CNTNAP3B: variants seen among roughly 807,000 people sequenced by gnomAD.
The protein encoded by CNTNAP3B is contactin associated protein family member 3B.
CNTNAP3B carries 25 observed loss-of-function variants against 108.9 expected under a neutral mutation model. The ratio of observed to expected loss-of-function variants is 0.23; its 90% confidence interval spans 0.17 to 0.32. The LOEUF is 0.32. Among genes scored for constraint, CNTNAP3B ranks in the 10% least tolerant of loss-of-function variants. CNTNAP3B has a pLI of 1.00. For synonymous variants in CNTNAP3B, 103 were observed against 473.4 expected (o/e 0.22, Z 10.16); for missense variants, 252 against 1,210.4 (o/e 0.21, Z 11.75).
intron 2 of CNTNAP3B, among the ~76,000 whole-genome samples, chr9:42,088,941 G>A (rs532406420): frequency 7.3e-6 from 1 of 137,274 alleles, no homozygotes; most frequent in Non-Finnish European, 1.5e-5. Flanking sequence ...TGAGGACCAG[G>A]CGTGGTGGCT....
rs537649772 is a variant in CNTNAP3B at position 42,111,064 on chromosome 9, G to A, written c.86-6325C>T. Among the ~76,000 whole-genome samples, 1,153 of 138,208 alleles carry A rather than the reference G, an allele frequency of 8.3e-3. 144 individuals are homozygous for A. Among genetic ancestry groups the A allele is most frequent in the Non-Finnish European group, 0.014 (902 of 64,584 alleles). The allele number at this position is 138,208 out of a possible 152,430, so 90.7% of individuals were successfully genotyped here. A position where few individuals can be genotyped will look rare whatever the true frequency, so the allele number is the denominator to read the frequency against. ...TCTCACTCCATGGGGTCTGAAGGGG[G>A]CTCACCCTACCACCTGGGGCCAGCA... On this transcript the variant is annotated intron_variant, in intron 1 of 23. Coordinates refer to ENST00000377561, the MANE Select transcript of CNTNAP3B (RefSeq NM_001201380.3).
intron 13 of CNTNAP3B, among the ~76,000 whole-genome samples, chr9:41,941,375 C>A (rs74410565): frequency 0.85 from 114,791 of 134,686 alleles, 47,598 homozygotes; most frequent in Admixed American, 0.87. Context: ...CTCTGCAAAA[C>A]TTAAATTTGA....
chr9:41,958,645 G>C (rs1212939345), intron 12 of CNTNAP3B, among the ~76,000 whole-genome samples: 3 of 151,782 alleles, frequency 2.0e-5, no homozygotes, highest in Non-Finnish European at 4.4e-5. Context: ...CCCTTACATG[G>C]GACAGGATGG....
intron 11 of CNTNAP3B, among the ~76,000 whole-genome samples, 176 bp from the exon 12 acceptor site, chr9:41,961,068 A>T (rs1825073964): frequency 6.6e-6 from 1 of 152,310 alleles, no homozygotes; most frequent in Non-Finnish European, 1.5e-5. Context: ...TAAAAAATTA[A>T]ATCTATTTTT....
intron 2 of CNTNAP3B, among the ~76,000 whole-genome samples, chr9:42,078,417 C>T (rs891537472): frequency 1.4e-5 from 2 of 139,430 alleles, no homozygotes; most frequent in African/African-American, 5.7e-5. Flanking sequence ...ATATTTTTTC[C>T]TCTGAATGTA....
chr9:41,943,064 TAATC>T (rs1390950574), intron 13 of CNTNAP3B, among the ~76,000 whole-genome samples: 1 of 152,272 alleles, frequency 6.6e-6, no homozygotes, highest in Non-Finnish European at 1.5e-5. Flanking sequence ...TTTGAAATAA[TAATC>T]AATATGCTAA....
At chr9:41,971,083 G>T (rs1825420389) in intron 9 of CNTNAP3B, among the ~76,000 whole-genome samples, 1 of 138,960 alleles carries the variant, frequency 7.2e-6, no homozygotes, top group African/African-American at 2.8e-5. Context: ...AAATGGCAAT[G>T]CTTATGACAT....
chr9:41,952,566 A>G (rs1824720962), intron 13 of CNTNAP3B, among the ~76,000 whole-genome samples: 1 of 152,194 alleles, frequency 6.6e-6, no homozygotes, highest in Non-Finnish European at 1.5e-5. Flanking sequence ...TTAACTTAGG[A>G]GAAGACGGTT....
At chr9:41,990,629 G>A (rs1390771187) in intron 8 of CNTNAP3B, among the ~76,000 whole-genome samples, 3 of 133,106 alleles carry the variant, frequency 2.3e-5, no homozygotes, top group Admixed American at 8.0e-5. Flanking sequence ...GCAGAAGTCA[G>A]CCTCTTCGTC....
chr9:41,988,232 CT>C (rs1415430835), intron 8 of CNTNAP3B, among the ~76,000 whole-genome samples: 30 of 59,350 alleles, frequency 5.1e-4, no homozygotes, highest in African/African-American at 1.7e-3. Context: ...CTTTTACCTT[CT>C]TTGAATTTTT....
chr9:42,121,983 C>T (rs1385269324), intron 1 of CNTNAP3B, among the ~76,000 whole-genome samples: 1 of 139,606 alleles, frequency 7.2e-6, no homozygotes, highest in Admixed American at 7.1e-5. Context: ...AATTTCCTTG[C>T]CTCCAAGTCC....
chr9:42,116,353 A>AGTGGG (rs1170201335), intron 1 of CNTNAP3B, among the ~76,000 whole-genome samples: 4 of 129,738 alleles, frequency 3.1e-5, no homozygotes, highest in East Asian at 2.3e-4. Flanking sequence ...GCCAGAAGAG[A>AGTGGG]GTGGGGGCCA....
intron 13 of CNTNAP3B, among the ~76,000 whole-genome samples, chr9:41,939,245 C>A (rs1159042902): frequency 2.0e-5 from 3 of 152,284 alleles, no homozygotes; most frequent in East Asian, 1.9e-4. Context: ...GGGTCAGAGG[C>A]CACAAGTTGC....
Position 42,038,343 on chromosome 9 carries a change from TAAAG to T in CNTNAP3B, c.391-24822_391-24819del, listed in dbSNP as rs1220632165. Among the ~76,000 whole-genome samples the T allele has an allele frequency of 1.1e-4, 10 of 94,818 alleles. 1 individual carries two copies. The highest frequency in any genetic ancestry group is 4.4e-4 in the Admixed American group (4 of 9,088). 62.2% of individuals were successfully genotyped at this position (94,818 alleles called of 152,430 possible). On this transcript the variant is annotated intron_variant, in intron 3 of 23. Transcript: ENST00000377561. ...AAAAGACACAGACTGGCAAATTGGATAAAGAGTCAAGACTCATCAGTGTGCTGTA... is the reference window on the plus strand; with the variant it reads ...AAAAGACACAGACTGGCAAATTGGATAGTCAAGACTCATCAGTGTGCTGTA...
At chr9:41,924,887 T>C (rs1203345382) in intron 15 of CNTNAP3B, among the ~76,000 whole-genome samples, 1 of 152,276 alleles carries the variant, frequency 6.6e-6, no homozygotes, top group African/African-American at 2.4e-5. Context: ...TTCAGTTGAC[T>C]TTCAGAATGT....
chr9:42,056,625 C>T lies in CNTNAP3B; in HGVS notation c.390+20244G>A, dbSNP rs563746754. Among the ~76,000 whole-genome samples, 503 of 138,118 alleles carry T rather than the reference C, an allele frequency of 3.6e-3. 48 individuals carry two copies. Among genetic ancestry groups the T allele is most frequent in the African/African-American group, 0.013 (469 of 34,866 alleles). 90.6% of individuals were successfully genotyped at this position (138,118 alleles called of 152,430 possible). A position where few individuals can be genotyped will look rare whatever the true frequency, so the allele number is the denominator to read the frequency against. On this transcript the variant is annotated intron_variant, in intron 3 of 23. Transcript: ENST00000377561. The stretch of plus-strand genomic sequence containing the variant: ...TCGGCCTTCCAAAGTGCTGGGATTA[C>T]GGGTGTGAGCCACCGCGCCAAGCAT...
intron 13 of CNTNAP3B, among the ~76,000 whole-genome samples, chr9:41,943,567 T>G (rs1434478896): frequency 1.3e-5 from 2 of 151,524 alleles, no homozygotes; most frequent in African/African-American, 2.4e-5. Flanking sequence ...GTAGCCAGGA[T>G]GGTCTGGATC....
intron 3 of CNTNAP3B, among the ~76,000 whole-genome samples, chr9:42,074,968 T>C (rs1358453551): frequency 6.8e-6 from 1 of 146,368 alleles, no homozygotes; most frequent in Non-Finnish European, 1.5e-5. Flanking sequence ...AGGCCATACG[T>C]CCAAGATCAA....
chr9:42,120,931 C>T lies in CNTNAP3B; in HGVS notation c.85+8079G>A, dbSNP rs1173991699. Among the ~76,000 whole-genome samples the T allele has an allele frequency of 1.5e-5, 2 of 137,788 alleles. 1 individual carries two copies. The highest frequency in any genetic ancestry group is 1.4e-4 in the Admixed American group (2 of 13,868). The allele number at this position is 137,788 out of a possible 152,430, so 90.4% of individuals were successfully genotyped here. A position where few individuals can be genotyped will look rare whatever the true frequency, so the allele number is the denominator to read the frequency against. On this transcript the variant is annotated intron_variant, in intron 1 of 23. Coordinates refer to ENST00000377561, the MANE Select transcript of CNTNAP3B (RefSeq NM_001201380.3). ...GCACATGTATACATATGCAACAAAC[C>T]TGCACGTTGTGCACATGTACCCTGT...
Sources: gnomAD v4.1 joint callset for allele counts (sites outside exome capture counted in the v4.1 genomes callset) on GRCh38, gnomAD v4.1.1 for gene constraint, MANE v1.5 for transcripts, NCBI Gene and HGNC (gene_info 2026-07-23, HGNC 2026-07-21) for gene names.